The following GABRB1 variants were observed in gnomAD, a reference collection of about 807,000 sequenced individuals.
GABRB1 encodes gamma-aminobutyric acid type A receptor subunit beta1.
Under a neutral mutation model 51.6 loss-of-function variants are expected in GABRB1, and 17 were observed. That is an observed-to-expected ratio of 0.33 (90% CI 0.23 to 0.49). GABRB1 has a LOEUF of 0.49. Ranked by LOEUF, GABRB1 falls within the 20% of genes least tolerant of loss-of-function variation. GABRB1 has a pLI of 0.99. For missense variants in GABRB1, 410 were observed against 600.6 expected, an observed-to-expected ratio of 0.68 and a Z score of 3.32; for synonymous variants, 247 against 218.9, an observed-to-expected ratio of 1.13 and a Z score of -1.14.
chr4:47,316,264 A>AG (rs1724884767), intron 4 of GABRB1, among the ~76,000 whole-genome samples: 3 of 151,736 alleles, frequency 2.0e-5, no homozygotes, highest in Admixed American at 1.3e-4. Flanking sequence ...GGTCTTTGGT[A>AG]ACTACCACTT....
At chr4:47,111,257 A>G (rs1560539258) in intron 3 of GABRB1, among the ~76,000 whole-genome samples, 2 of 152,130 alleles carry the variant, frequency 1.3e-5, no homozygotes, top group African/African-American at 2.4e-5. Context: ...AATATCTGGC[A>G]TTATTAAGCT....
At chr4:47,204,487 CCTAACCCTAACA>C (rs1434475117) in intron 4 of GABRB1, among the ~76,000 whole-genome samples, 1 of 152,024 alleles carries the variant, frequency 6.6e-6, no homozygotes, top group African/African-American at 2.4e-5. Context: ...CTCTGCTCCC[CCTAACCCTAACA>C]CTAACCCTAA....
intron 1 of GABRB1, among the ~76,000 whole-genome samples, chr4:47,016,910 C>A (rs1036228860): frequency 2.0e-5 from 3 of 152,016 alleles, no homozygotes; most frequent in Non-Finnish European, 4.4e-5. Context: ...ATTTAGTGAG[C>A]AAAATGATGT....
At chr4:47,132,530 A>G (rs1009342629) in intron 3 of GABRB1, among the ~76,000 whole-genome samples, 1 of 152,172 alleles carries the variant, frequency 6.6e-6, no homozygotes. Flanking sequence ...TCAAGATGGC[A>G]CCTGAGTCCA....
At chr4:47,254,291 C>A (rs913796601) in intron 4 of GABRB1, among the ~76,000 whole-genome samples, 1 of 145,004 alleles carries the variant, frequency 6.9e-6, no homozygotes, top group Non-Finnish European at 1.5e-5. Flanking sequence ...CTCAACGGTT[C>A]TATAAAGTCT....
chr4:47,058,861 T>A (rs1726731690), intron 3 of GABRB1, among the ~76,000 whole-genome samples: 1 of 152,190 alleles, frequency 6.6e-6, no homozygotes, highest in African/African-American at 2.4e-5. Context: ...TGGAATAATC[T>A]TTTGAAACAA....
In GABRB1 at chr4:47,361,260, G is replaced by A. The variant is rs1435078580; in HGVS notation, c.544+41051G>A. ...CGTAACAACAAAAAATTTCTTCTGG[G>A]GACTTAAGGAAAGCGTGCCAACAAA... On this transcript the variant is annotated intron_variant, in intron 5 of 8. Transcript: ENST00000295454. Among the ~76,000 whole-genome samples, 6 of 152,228 alleles carry A rather than the reference G, an allele frequency of 3.9e-5. No individual in the cohort carries two copies. In the East Asian group the frequency reaches 7.7e-4, roughly 20 times the overall value.
intron 4 of GABRB1, among the ~76,000 whole-genome samples, chr4:47,283,944 T>C (rs772790439): frequency 3.3e-5 from 5 of 151,550 alleles, no homozygotes; most frequent in Non-Finnish European, 7.4e-5. Flanking sequence ...CAAAGGCAAG[T>C]CCCGGGGGCC....
chr4:47,168,648 A>G (rs1718308661), intron 4 of GABRB1, among the ~76,000 whole-genome samples: 1 of 152,152 alleles, frequency 6.6e-6, no homozygotes, highest in Non-Finnish European at 1.5e-5. Flanking sequence ...CTTTGATGAT[A>G]CGAAGATTGA....
Position 47,161,232 on chromosome 4 carries a change from C to A in GABRB1, c.241-17C>A. The A allele has an allele frequency of 1.6e-6, 2 of 1,262,718 alleles. No homozygotes were observed. Among genetic ancestry groups the A allele is most frequent in the Non-Finnish European group, 2.2e-6 (2 of 922,732 alleles). 78.2% of individuals were successfully genotyped at this position (1,262,718 alleles called of 1,614,324 possible). ...TAGTAAAATTCTTTTTTTTTTTTTG[C>A]TTTCTTTATTTCACAGGATTATACA... On this transcript the variant is annotated splice_polypyrimidine_tract_variant and intron_variant, in intron 3 of 8. Transcript: ENST00000295454.
At chr4:47,089,651 A>G (rs535364091) in intron 3 of GABRB1, among the ~76,000 whole-genome samples, 4 of 152,326 alleles carry the variant, frequency 2.6e-5, no homozygotes, top group African/African-American at 9.6e-5. Context: ...AAGAATTCAA[A>G]TATTCAGATT....
At chr4:47,123,819 T>A (rs1448611307) in intron 3 of GABRB1, among the ~76,000 whole-genome samples, 3 of 91,208 alleles carry the variant, frequency 3.3e-5, no homozygotes, top group Non-Finnish European at 5.9e-5. Flanking sequence ...TATTATATAT[T>A]ATATTATATT....
intron 3 of GABRB1, among the ~76,000 whole-genome samples, chr4:47,117,405 G>A (rs1035094414): frequency 3.3e-5 from 5 of 152,122 alleles, no homozygotes; most frequent in Non-Finnish European, 7.4e-5. Flanking sequence ...TTGCTGGCAA[G>A]GGTGCTGAGT....
chr4:47,020,679 C>G (rs777599166), intron 1 of GABRB1, among the ~76,000 whole-genome samples: 11 of 152,152 alleles, frequency 7.2e-5, no homozygotes, highest in Non-Finnish European at 1.6e-4. Context: ...AATATGACCA[C>G]TTTTCATCAC....
chr4:47,405,196 G>A (rs4695229), intron 7 of GABRB1, among the ~76,000 whole-genome samples: 41,913 of 152,000 alleles, frequency 0.28, 6,147 homozygotes, highest in Middle Eastern at 0.38. Context: ...ATGACATTTT[G>A]TATCAGTCCA....
At chr4:47,241,598 T>C (rs1470804474) in intron 4 of GABRB1, among the ~76,000 whole-genome samples, 3 of 152,200 alleles carry the variant, frequency 2.0e-5, no homozygotes, top group Non-Finnish European at 4.4e-5. Flanking sequence ...TGATACATGC[T>C]GGAACAAACT....
chr4:47,212,005 A>G (rs971761709), intron 4 of GABRB1, among the ~76,000 whole-genome samples: 4 of 152,156 alleles, frequency 2.6e-5, no homozygotes, highest in African/African-American at 9.7e-5. Flanking sequence ...ATAAGGTAAC[A>G]TTCACAGGTT....
chr4:47,350,658 C>A (rs915089862), intron 5 of GABRB1, among the ~76,000 whole-genome samples: 8 of 152,004 alleles, frequency 5.3e-5, no homozygotes, highest in African/African-American at 1.9e-4. Flanking sequence ...GAAATGGTAA[C>A]AGAATGTGAC....
At chr4:47,143,575 G>C (rs996907024) in intron 3 of GABRB1, among the ~76,000 whole-genome samples, 3 of 151,840 alleles carry the variant, frequency 2.0e-5, no homozygotes, top group African/African-American at 7.3e-5. Flanking sequence ...TGTGAGTACT[G>C]CATGGTGCTT....
Sources: gnomAD v4.1 joint callset for allele counts (sites outside exome capture counted in the v4.1 genomes callset) on GRCh38, gnomAD v4.1.1 for gene constraint, MANE v1.5 for transcripts, NCBI Gene and HGNC (gene_info 2026-07-23, HGNC 2026-07-21) for gene names.